Variants in MLH3 observed in about 807,000 individuals in gnomAD.
The protein encoded by MLH3 is mutL homolog 3, also known as DNA mismatch repair protein Mlh3.
Under a neutral mutation model 122.2 loss-of-function variants are expected in MLH3, and 82 were observed. That is an observed-to-expected ratio of 0.67 (90% confidence interval 0.56 to 0.81). The LOEUF is 0.81. MLH3 is among the 30% of genes least tolerant of loss of function. The probability of loss-of-function intolerance (pLI) is 0.00; values close to 1 mark genes in which losing one functional copy is unlikely to be tolerated. For missense variants in MLH3, 1,539 were observed against 1,714.5 expected (o/e 0.90, Z 1.81); for synonymous variants, 524 against 599.5 (o/e 0.87, Z 1.84).
In MLH3 at chr14:75,038,145, C is replaced by T. The variant is rs545168380; in HGVS notation, c.3643+195G>A. Among the ~76,000 whole-genome samples, 5 of 152,328 alleles carry T rather than the reference C, an allele frequency of 3.3e-5. No homozygotes were observed. In the South Asian group the frequency reaches 1.0e-3, roughly 32 times the overall value. On this transcript the variant is annotated intron_variant, in intron 6 of 12. Transcript: ENST00000355774. ...GAACTCCTGGCCTCAAGCCATCCAC[C>T]TGCCTCACCTCCCAAAGTGTTGGGA...
At chr14:75,033,624 G>C (rs1891198203) in intron 6 of MLH3, 134 bp from the exon 7 acceptor site, 2 of 708,452 alleles carry the variant, frequency 2.8e-6, no homozygotes, top group Admixed American at 4.2e-5. Flanking sequence ...AGTAACAATT[G>C]TATCTTTTAT....
chr14:75,030,817 AC>A, intron 8 of MLH3, 115 bp from the exon 9 acceptor site: 1 of 851,240 alleles, frequency 1.2e-6, no homozygotes, highest in Non-Finnish European at 1.9e-6. Flanking sequence ...GGGCTTAACA[AC>A]CGTATTGTTT....
intron 11 of MLH3, among the ~76,000 whole-genome samples, chr14:75,022,051 C>T (rs553577367): frequency 2.6e-5 from 4 of 152,278 alleles, no homozygotes; most frequent in African/African-American, 7.2e-5. Context: ...TAGAGGCCAT[C>T]ATCCTAAGTG....
rs757785129 is a variant in MLH3 at position 75,046,572 on chromosome 14, T to G, written c.3084A>C (p.Ala1028=). The G allele has an allele frequency of 6.2e-7, 1 of 1,614,226 alleles. No homozygotes were observed. Among genetic ancestry groups the G allele is most frequent in the Admixed American group, 1.7e-5 (1 of 60,024 alleles). ...ACTCTTCAGTTTCAGAACAAGCTCTTGCTTTAGATTCCTCACTCTGAAAAC... is the reference window on the plus strand; with the variant it reads ...ACTCTTCAGTTTCAGAACAAGCTCTGGCTTTAGATTCCTCACTCTGAAAAC... The part of the protein sequence containing the change: ...GICFQSEESK[A]RACSETEESN... The change falls in exon 2 of 13, where the codon GCA becomes GCC. Residue 1028 remains alanine (A), a synonymous_variant. Coordinates refer to ENST00000355774, the MANE Select transcript of MLH3 (RefSeq NM_001040108.2).
At chr14:75,041,486 T>C (rs1163842345) in intron 4 of MLH3, 129 bp downstream of exon 4, 2 of 741,950 alleles carry the variant, frequency 2.7e-6, no homozygotes, top group East Asian at 5.4e-5. Flanking sequence ...GAAGCGAAGG[T>C]TACGTGAGCC....
chr14:75,045,989 G>T (rs565382834), intron 2 of MLH3, among the ~76,000 whole-genome samples: 1 of 152,090 alleles, frequency 6.6e-6, no homozygotes, highest in East Asian at 1.9e-4. Flanking sequence ...GACCAGCCTG[G>T]CCAACATAGT....
Position 75,030,543 on chromosome 14 carries a change from C to T in MLH3, c.3987G>A (p.Glu1329=), listed in dbSNP as rs746912288. 2 of 1,614,024 alleles carry T rather than the reference C, an allele frequency of 1.2e-6. No individual in the cohort carries two copies. The highest frequency in any genetic ancestry group is 3.3e-5 in the Admixed American group (2 of 60,028). The change falls in exon 9 of 13, where the codon GAG becomes GAA. Residue 1329 remains glutamate, a splice_region_variant and synonymous_variant. Coordinates refer to ENST00000355774, the MANE Select transcript of MLH3 (RefSeq NM_001040108.2). The part of the protein sequence containing the change: ...GRSTVTKSIV[E]EFIREQLELL... Reference sequence around the variant, plus strand: ...CTTAACATCTGCAGCTGTGTCTTACCTCCACAATACTCTTGGTCACAGTAG... The same window carrying T: ...CTTAACATCTGCAGCTGTGTCTTACTTCCACAATACTCTTGGTCACAGTAG...
chr14:75,030,725 T>TA lies in MLH3; in HGVS notation c.3828-24dup, dbSNP rs761256304. On this transcript the variant is annotated intron_variant, in intron 8 of 12. Coordinates refer to ENST00000355774, the MANE Select transcript of MLH3 (RefSeq NM_001040108.2). ...CACCTAAAGAGATAACCTCAAATGTTAAAAAAAAAAAGAGTGCTACTTCAT... is the reference window on the plus strand; with the variant it reads ...CACCTAAAGAGATAACCTCAAATGTTAAAAAAAAAAAAGAGTGCTACTTCAT... 16,359 of 1,261,538 alleles carry TA rather than the reference T, an allele frequency of 0.013. 8 individuals carry two copies. The highest frequency in any genetic ancestry group is 0.026 in the African/African-American group (1,705 of 65,566). 78.1% of individuals were successfully genotyped at this position (1,261,538 alleles called of 1,614,324 possible).
intron 11 of MLH3, among the ~76,000 whole-genome samples, chr14:75,019,465 GGATGAAA>G (rs1311824121): frequency 6.6e-6 from 1 of 150,824 alleles, no homozygotes; most frequent in African/African-American, 2.4e-5. Flanking sequence ...TTATGACCAT[GGATGAAA>G]CTAAGGCTTC....
intron 6 of MLH3, chr14:75,036,728 ACAT>A (rs1891438646): frequency 2.2e-6 from 1 of 456,152 alleles, no homozygotes; most frequent in African/African-American, 2.0e-5. Flanking sequence ...GGGTCCTGCA[ACAT>A]CATCAACTCA....
intron 6 of MLH3, 84 bp from the exon 7 acceptor site, chr14:75,033,574 C>A: frequency 1.0e-6 from 1 of 987,014 alleles, no homozygotes; most frequent in South Asian, 1.3e-5. Context: ...AGACTTAATT[C>A]AAACTATCTA....
chr14:75,039,883 T>TATATATATATATATATA (rs34231080), intron 5 of MLH3, 28 bp downstream of exon 5: 6 of 524,454 alleles, frequency 1.1e-5, no homozygotes, highest in South Asian at 1.7e-5. Flanking sequence ...ATATATATAT[T>TATATATATATATATATA]TATGAGATTT....
chr14:75,038,135 A>G (rs972839702), intron 6 of MLH3, among the ~76,000 whole-genome samples: 14 of 152,188 alleles, frequency 9.2e-5, no homozygotes, highest in African/African-American at 3.1e-4. Context: ...CCTGGCCTCA[A>G]GCCATCCACC....
chr14:75,017,244 T>G, intron 12 of MLH3, 43 bp from the exon 13 acceptor site: 1 of 1,602,162 alleles, frequency 6.2e-7, no homozygotes, highest in Non-Finnish European at 8.5e-7. Flanking sequence ...TATGAAAAGG[T>G]AGGTAGCATA....
intron 4 of MLH3, among the ~76,000 whole-genome samples, chr14:75,040,783 C>A (rs1252641567): frequency 6.6e-6 from 1 of 152,116 alleles, no homozygotes; most frequent in Non-Finnish European, 1.5e-5. Flanking sequence ...ATAACAATTT[C>A]ATTATCACCA....
chr14:75,033,427 A>G lies in MLH3; in HGVS notation c.3707T>C (p.Leu1236Pro), dbSNP rs747045236. The change falls in exon 7 of 13, where the codon CTT (leucine) becomes CCT (proline). Residue 1236 changes from leucine (L) to proline (P), a missense_variant. Coordinates refer to ENST00000355774, the MANE Select transcript of MLH3 (RefSeq NM_001040108.2). ...AAHERIRLEQ[L>P]IIDSYEKQQA... The stretch of plus-strand genomic sequence containing the variant: ...TGCAAACAGATCCTTACCAATGATA[A>G]GCTGCTCCAGACGTATACGCTCATG... The G allele has an allele frequency of 6.8e-6, 11 of 1,614,026 alleles. No individual in the cohort carries two copies. Among genetic ancestry groups the G allele is most frequent in the Admixed American group, 5.0e-5 (3 of 60,008 alleles).
Position 75,046,949 on chromosome 14 carries a change from C to A in MLH3, c.2707G>T (p.Asp903Tyr), listed in dbSNP as rs754359771. The change falls in exon 2 of 13, where the codon GAT becomes TAT. Residue 903 changes from aspartate (D) to tyrosine (Y), a missense_variant. Physicochemically the swap from Asp to Tyr is radical, Grantham distance 160 (BLOSUM62 -3). Transcript: ENST00000355774. ...AACTTGCTGTCTTTCCTACTGGAAT[C>A]TGAATTTGGAAGTTCATTAAAACGA... is the stretch of plus-strand genomic sequence containing the variant. The part of the protein sequence containing the change: ...MSRFNELPNS[D>Y]SSRKDSKLCS... 6.2e-7 allele frequency: 1 copy of A among 1,614,016 alleles called. No homozygotes were observed. The highest frequency in any genetic ancestry group is 8.5e-7 in the Non-Finnish European group (1 of 1,180,010).
intron 7 of MLH3, 48 bp from the exon 8 acceptor site, chr14:75,032,227 T>C (rs767025485): frequency 1.9e-6 from 2 of 1,066,066 alleles, no homozygotes; most frequent in Non-Finnish European, 2.9e-6. Flanking sequence ...GGAAGTCTTC[T>C]AGATTCAGAT....
intron 2 of MLH3, among the ~76,000 whole-genome samples, chr14:75,044,777 G>A (rs778778662): frequency 9.9e-5 from 15 of 152,230 alleles, no homozygotes; most frequent in Non-Finnish European, 1.8e-4. Context: ...GATATTCATC[G>A]TCAGGAGAAA....
Sources: gnomAD v4.1 joint callset for allele counts (sites outside exome capture counted in the v4.1 genomes callset) on GRCh38, gnomAD v4.1.1 for gene constraint, MANE v1.5 for transcripts, NCBI Gene and HGNC (gene_info 2026-07-23, HGNC 2026-07-21) for gene names.